SLC25A26: variants seen among roughly 807,000 people sequenced by gnomAD.
SLC25A26 encodes solute carrier family 25 member 26, also known as mitochondrial S-adenosylmethionine carrier protein.
In SLC25A26, 36 loss-of-function variants were observed where a neutral mutation model predicts 37.8. That is an observed-to-expected ratio of 0.95 (90% CI 0.73 to 1.26). The LOEUF (loss-of-function observed/expected upper bound fraction) is 1.26. SLC25A26 is among the 50% of genes most tolerant of loss of function. The probability of loss-of-function intolerance (pLI) is 0.00; values close to 1 mark genes in which losing one functional copy is unlikely to be tolerated. For missense variants in SLC25A26, 390 were observed against 331.1 expected, an observed-to-expected ratio of 1.18 and a Z score of -1.38; for synonymous variants, 129 against 122.5, an observed-to-expected ratio of 1.05 and a Z score of -0.35.
At chr3:66,221,691 G>A (rs2071504278) in intron 1 of SLC25A26, among the ~76,000 whole-genome samples, 1 of 151,544 alleles carries the variant, frequency 6.6e-6, no homozygotes, top group Non-Finnish European at 1.5e-5. Context: ...CAATAAACAG[G>A]CTTAGTATTT....
chr3:66,158,376 T>C (rs545217697), intron 1 of SLC25A26, among the ~76,000 whole-genome samples: 1 of 152,332 alleles, frequency 6.6e-6, no homozygotes, highest in African/African-American at 2.4e-5. Context: ...TTGGGTTCTT[T>C]CATTTTTTGG....
intron 5 of SLC25A26, among the ~76,000 whole-genome samples, chr3:66,274,316 A>G (rs1266183399): frequency 3.3e-5 from 5 of 151,750 alleles, no homozygotes; most frequent in African/African-American, 9.7e-5. Flanking sequence ...AACCTAGGCA[A>G]TACCATTCAG....
chr3:66,362,732 T>G, intron 6 of SLC25A26, 128 bp from the exon 7 acceptor site: 1 of 537,634 alleles, frequency 1.9e-6, no homozygotes, highest in Admixed American at 3.7e-5. Context: ...AAGTCACTTA[T>G]GTCATCAGTA....
At chr3:66,351,845 C>CT (rs367749182) in intron 6 of SLC25A26, among the ~76,000 whole-genome samples, 1 of 152,310 alleles carries the variant, frequency 6.6e-6, no homozygotes, top group African/African-American at 2.4e-5. Flanking sequence ...GTTCAAGCCT[C>CT]TAACACCCCT....
intron 1 of SLC25A26, among the ~76,000 whole-genome samples, chr3:66,209,937 T>G (rs2071261460): frequency 1.2e-5 from 1 of 80,720 alleles, no homozygotes; most frequent in Admixed American, 1.5e-4. Flanking sequence ...TATATATATA[T>G]ATATATATAT....
chr3:66,350,590 A>T (rs1412163963), intron 6 of SLC25A26, among the ~76,000 whole-genome samples: 1 of 152,178 alleles, frequency 6.6e-6, no homozygotes, highest in African/African-American at 2.4e-5. Context: ...TTAGGTTCTC[A>T]GGAACATATA....
intron 3 of SLC25A26, among the ~76,000 whole-genome samples, chr3:66,248,498 G>A (rs1413675134): frequency 6.6e-6 from 1 of 152,154 alleles, no homozygotes; most frequent in Non-Finnish European, 1.5e-5. Flanking sequence ...TAATGGTAGT[G>A]ATTTTCTTTT....
rs150902623 is a variant in SLC25A26 at position 66,282,746 on chromosome 3, G to T, written c.453+19367G>T. On this transcript the variant is annotated intron_variant, in intron 5 of 9. Transcript: ENST00000354883. Reference sequence around the variant, plus strand: ...AAACTTCTTTCCGGTGTTCAGTGCTGTGAATTCAGCGTACGTATAGATTTG... The same window carrying T: ...AAACTTCTTTCCGGTGTTCAGTGCTTTGAATTCAGCGTACGTATAGATTTG... Among the ~76,000 whole-genome samples, 30 of 152,252 alleles carry T rather than the reference G, an allele frequency of 2.0e-4. No individual in the cohort carries two copies. In the East Asian group the frequency reaches 4.4e-3, roughly 23 times the overall value.
intron 5 of SLC25A26, among the ~76,000 whole-genome samples, chr3:66,299,295 C>T (rs186420914): frequency 1.3e-5 from 2 of 152,200 alleles, no homozygotes; most frequent in East Asian, 1.9e-4. Flanking sequence ...GGGTTCCAAG[C>T]GATTCTCATG....
At chr3:66,291,305 T>C (rs1351475812) in intron 5 of SLC25A26, among the ~76,000 whole-genome samples, 2 of 152,078 alleles carry the variant, frequency 1.3e-5, no homozygotes, top group Non-Finnish European at 2.9e-5. Context: ...TTGTGTCTCT[T>C]TCTCCTTCAT....
chr3:66,144,259 A>G (rs1210907239), intron 1 of SLC25A26, among the ~76,000 whole-genome samples: 2 of 152,122 alleles, frequency 1.3e-5, no homozygotes, highest in Non-Finnish European at 2.9e-5. Context: ...AACCAAAACA[A>G]TGTCACTGTG....
chr3:66,203,656 C>A (rs1417283038), intron 1 of SLC25A26, among the ~76,000 whole-genome samples: 1 of 151,952 alleles, frequency 6.6e-6, no homozygotes, highest in Non-Finnish European at 1.5e-5. Flanking sequence ...TTTGGGTGTC[C>A]CTTATGTCTA....
rs549007358 is a variant in SLC25A26, at chr3:66,276,282, A to G, written c.453+12903A>G. On this transcript the variant is annotated intron_variant, in intron 5 of 9. Transcript: ENST00000354883. ...TTAAGTAATACAACTAGGAGGTGGCAGGACTGGAATTGGAGGTCAAGTTTG... is the reference window on the plus strand; with the variant it reads ...TTAAGTAATACAACTAGGAGGTGGCGGGACTGGAATTGGAGGTCAAGTTTG... 2.0e-5 allele frequency among the ~76,000 whole-genome samples: 3 copies of G among 152,266 alleles called. 1 individual carries two copies. The highest frequency in any genetic ancestry group is 4.1e-4 in the South Asian group (2 of 4,828).
At chr3:66,234,233 C>T (rs868958174) in intron 1 of SLC25A26, among the ~76,000 whole-genome samples, 2 of 152,328 alleles carry the variant, frequency 1.3e-5, no homozygotes, top group East Asian at 1.9e-4. Context: ...GCTGGGATTA[C>T]AGGTACATAC....
chr3:66,366,743 G>A (rs933039842), intron 7 of SLC25A26, among the ~76,000 whole-genome samples: 5 of 152,118 alleles, frequency 3.3e-5, no homozygotes, highest in Non-Finnish European at 5.9e-5. Context: ...TTTCACATAC[G>A]AAAGTGGGTT....
intron 3 of SLC25A26, 95 bp from the exon 4 acceptor site, chr3:66,261,956 A>AT: frequency 1.4e-6 from 1 of 706,496 alleles, no homozygotes; most frequent in Non-Finnish European, 2.5e-6. Flanking sequence ...AAGCCTACAT[A>AT]TTATACCTTT....
chr3:66,259,797 C>T (rs757458530), intron 3 of SLC25A26, among the ~76,000 whole-genome samples: 66 of 152,100 alleles, frequency 4.3e-4, no homozygotes, highest in Non-Finnish European at 8.1e-4. Context: ...ACACGTCATT[C>T]CTCTGCTTCA....
intron 1 of SLC25A26, among the ~76,000 whole-genome samples, chr3:66,178,512 A>G (rs1281039070): frequency 6.6e-6 from 1 of 152,060 alleles, no homozygotes; most frequent in Non-Finnish European, 1.5e-5. Context: ...AGTAATGTAC[A>G]TTTATATTGG....
intron 1 of SLC25A26, among the ~76,000 whole-genome samples, chr3:66,160,918 G>C (rs541293335): frequency 6.6e-6 from 1 of 152,084 alleles, no homozygotes; most frequent in East Asian, 1.9e-4. Flanking sequence ...CTGGGCAACA[G>C]AGCAAGACTC....
Sources: gnomAD v4.1 joint callset for allele counts (sites outside exome capture counted in the v4.1 genomes callset) on GRCh38, gnomAD v4.1.1 for gene constraint, MANE v1.5 for transcripts, NCBI Gene and HGNC (gene_info 2026-07-23, HGNC 2026-07-21) for gene names.